Variants in FBXW7 observed in about 807,000 individuals in gnomAD.
FBXW7 encodes F-box/WD repeat-containing protein 7.
FBXW7 carries 11 observed loss-of-function variants against 86.3 expected under a neutral mutation model. That is an observed-to-expected ratio of 0.13 (90% CI 0.08 to 0.21). The LOEUF (loss-of-function observed/expected upper bound fraction) is 0.21, where lower values mean the gene tolerates loss of function less well. Among genes scored for constraint, FBXW7 ranks in the 10% least tolerant of loss-of-function variants. The pLI, the probability that FBXW7 is intolerant of heterozygous loss-of-function variation, is 1.00. For synonymous variants in FBXW7, 313 were observed against 297.9 expected (o/e 1.05, Z -0.52); for missense variants, 488 against 847.4 (o/e 0.58, Z 5.27).
chr4:152,345,051 T>C (rs1169956295), intron 6 of FBXW7, among the ~76,000 whole-genome samples: 2 of 152,196 alleles, frequency 1.3e-5, no homozygotes, highest in Non-Finnish European at 2.9e-5. Flanking sequence ...ACTACATGCA[T>C]GTGTTAGCAT....
At chr4:152,438,733 A>T (rs9684643) in intron 2 of FBXW7, among the ~76,000 whole-genome samples, 16,042 of 152,172 alleles carry the variant, frequency 0.11, 1,224 homozygotes, top group East Asian at 0.28. Flanking sequence ...GTAAGGGACA[A>T]ATGGTACTGG....
At chr4:152,534,071 G>A (rs1750248177) in intron 2 of FBXW7, among the ~76,000 whole-genome samples, 2 of 151,828 alleles carry the variant, frequency 1.3e-5, no homozygotes, top group African/African-American at 2.4e-5. Context: ...CTTTAATTTG[G>A]TACTCTGACA....
At chr4:152,395,596 C>A (rs984998470) in intron 4 of FBXW7, among the ~76,000 whole-genome samples, 1 of 151,986 alleles carries the variant, frequency 6.6e-6, no homozygotes, top group African/African-American at 2.4e-5. Flanking sequence ...AATCAGTACA[C>A]CAAACTCATA....
intron 4 of FBXW7, among the ~76,000 whole-genome samples, chr4:152,367,922 G>C (rs1374934883): frequency 6.6e-6 from 1 of 151,632 alleles, no homozygotes; most frequent in Non-Finnish European, 1.5e-5. Context: ...CTAATATAAA[G>C]AAGAAAAAAA....
chr4:152,363,790 T>C (rs1733200978), intron 4 of FBXW7, among the ~76,000 whole-genome samples: 1 of 152,168 alleles, frequency 6.6e-6, no homozygotes, highest in African/African-American at 2.4e-5. Flanking sequence ...GTACTATTAT[T>C]ATCTCTATTT....
intron 2 of FBXW7, among the ~76,000 whole-genome samples, chr4:152,479,526 C>T (rs769230326): frequency 1.3e-5 from 2 of 152,006 alleles, no homozygotes; most frequent in Admixed American, 6.6e-5. Flanking sequence ...GACTCATGGC[C>T]AGTTTTCTTA....
chr4:152,322,682 CTT>C lies in FBXW7; in HGVS notation c.*197_*198del. 2 of 888,510 alleles carry C rather than the reference CTT, an allele frequency of 2.3e-6. No individual in the cohort carries two copies. Among genetic ancestry groups the C allele is most frequent in the East Asian group, 5.5e-5 (2 of 36,446 alleles). The allele number at this position is 888,510 out of a possible 1,614,324, so 55.0% of individuals were successfully genotyped here. ...ATGTGATGAGACAGCAGACGCCTCT[CTT>C]GTCAGTTATGGTTTGTCATCTCTTC... is the stretch of plus-strand genomic sequence containing the variant. On this transcript the variant is annotated 3_prime_UTR_variant, in exon 14 of 14. Coordinates refer to ENST00000281708, the MANE Select transcript of FBXW7 (RefSeq NM_001349798.2).
At chr4:152,526,661 G>T (rs889765379) in intron 2 of FBXW7, among the ~76,000 whole-genome samples, 2 of 152,042 alleles carry the variant, frequency 1.3e-5, no homozygotes, top group Non-Finnish European at 2.9e-5. Flanking sequence ...ATTTCCAGGG[G>T]TTAAAGAGAT....
At chr4:152,394,576 T>C (rs77865428) in intron 4 of FBXW7, among the ~76,000 whole-genome samples, 2,081 of 152,228 alleles carry the variant, frequency 0.014, 25 homozygotes, top group Middle Eastern at 0.037. Context: ...TGTTTCAACC[T>C]ACCCAAAAGA....
At chr4:152,429,145 G>A (rs1170641117) in intron 2 of FBXW7, among the ~76,000 whole-genome samples, 3 of 152,102 alleles carry the variant, frequency 2.0e-5, no homozygotes, top group African/African-American at 7.2e-5. Context: ...AGCCGAGATC[G>A]GGTCATTGCA....
chr4:152,479,612 T>G (rs1393896826), intron 2 of FBXW7, among the ~76,000 whole-genome samples: 1 of 152,114 alleles, frequency 6.6e-6, no homozygotes, highest in Non-Finnish European at 1.5e-5. Context: ...CTTCCTGTAT[T>G]TCTTGGAAAC....
At chr4:152,475,287 C>T (rs1432853548) in intron 2 of FBXW7, among the ~76,000 whole-genome samples, 1 of 151,876 alleles carries the variant, frequency 6.6e-6, no homozygotes, top group Non-Finnish European at 1.5e-5. Flanking sequence ...CTTAGCCAGG[C>T]ATGATGGCAC....
chr4:152,407,391 G>A (rs1737509068), intron 4 of FBXW7, among the ~76,000 whole-genome samples: 1 of 152,108 alleles, frequency 6.6e-6, no homozygotes, highest in Admixed American at 6.5e-5. Flanking sequence ...AGCATTTTTT[G>A]CTCTCTGGAC....
chr4:152,427,273 T>C (rs556965491), intron 2 of FBXW7, among the ~76,000 whole-genome samples: 8 of 152,226 alleles, frequency 5.3e-5, no homozygotes, highest in Non-Finnish European at 8.8e-5. Flanking sequence ...GAGTGGAAGC[T>C]GCTGATGACT....
chr4:152,477,716 T>G (rs1744538481), intron 2 of FBXW7, among the ~76,000 whole-genome samples: 1 of 152,174 alleles, frequency 6.6e-6, no homozygotes, highest in East Asian at 1.9e-4. Context: ...CTTGTCCTTT[T>G]GAGCTCTTCT....
intron 2 of FBXW7, among the ~76,000 whole-genome samples, chr4:152,502,927 G>A (rs1463191262): frequency 2.0e-5 from 3 of 152,158 alleles, no homozygotes; most frequent in Non-Finnish European, 1.5e-5. Flanking sequence ...GCCAAACAAT[G>A]TCAGAAGTAA....
At chr4:152,377,667 C>T (rs918621649) in intron 4 of FBXW7, among the ~76,000 whole-genome samples, 3 of 148,776 alleles carry the variant, frequency 2.0e-5, no homozygotes, top group African/African-American at 7.5e-5. Flanking sequence ...CAGGAGGCTG[C>T]GGCAGGATAA....
At chr4:152,393,546 A>C (rs1441797284) in intron 4 of FBXW7, among the ~76,000 whole-genome samples, 1 of 152,174 alleles carries the variant, frequency 6.6e-6, no homozygotes, top group Non-Finnish European at 1.5e-5. Context: ...TTCACTCATT[A>C]AACCCTAAGA....
At chr4:152,466,646 C>A (rs1008197830) in intron 2 of FBXW7, among the ~76,000 whole-genome samples, 5 of 151,698 alleles carry the variant, frequency 3.3e-5, no homozygotes, top group African/African-American at 1.2e-4. Flanking sequence ...AATATCATTG[C>A]TTAAAAATAA....
Sources: gnomAD v4.1 joint callset for allele counts (sites outside exome capture counted in the v4.1 genomes callset) on GRCh38, gnomAD v4.1.1 for gene constraint, MANE v1.5 for transcripts, NCBI Gene and HGNC (gene_info 2026-07-23, HGNC 2026-07-21) for gene names.